The following SULT1B1 variants were observed in gnomAD, a reference collection of about 807,000 sequenced individuals.
SULT1B1 encodes the protein sulfotransferase 1B1.
A neutral mutation model predicts 34.6 loss-of-function variants in SULT1B1; 28 were observed. That is an observed-to-expected ratio of 0.81 (90% confidence interval 0.60 to 1.11). SULT1B1 has a LOEUF of 1.11. SULT1B1 is among the 50% of genes least tolerant of loss of function. The pLI, the probability that SULT1B1 is intolerant of heterozygous loss-of-function variation, is 0.00. For missense variants in SULT1B1, 374 were observed against 352.2 expected (o/e 1.06, Z -0.50); for synonymous variants, 147 against 110.2 (o/e 1.33, Z -2.09).
rs1560521487 is a variant in SULT1B1 at position 69,733,479 on chromosome 4, A to C, written c.531T>G (p.Val177=). 6.2e-7 allele frequency: 1 copy of C among 1,608,168 alleles called. No individual in the cohort carries two copies. Reference sequence around the variant, plus strand: ...CTTCCTTTTTCTTCCACCAGTTTTTAACATGAGTAAACCAGGAACCATAGG... The same window carrying C: ...CTTCCTTTTTCTTCCACCAGTTTTTCACATGAGTAAACCAGGAACCATAGG... ...KVAYGSWFTH[V]KNWWKKKEEH... Residue 177 remains valine, a synonymous_variant, in exon 6 of 8, where the codon GTT becomes GTG. Transcript: ENST00000310613.
chr4:69,734,338 C>A, intron 4 of SULT1B1, 74 bp from the exon 5 acceptor site: 2 of 1,493,900 alleles, frequency 1.3e-6, no homozygotes, highest in South Asian at 1.3e-5. Flanking sequence ...TTAACCTATA[C>A]GCATGTAAAA....
At chr4:69,745,136 C>T (rs1469582849) in intron 4 of SULT1B1, among the ~76,000 whole-genome samples, 3 of 152,026 alleles carry the variant, frequency 2.0e-5, no homozygotes, top group South Asian at 2.1e-4. Flanking sequence ...TTGAGAATTG[C>T]TTTATGGCTG....
chr4:69,746,494 T>C (rs902391812), intron 4 of SULT1B1, among the ~76,000 whole-genome samples: 3 of 152,228 alleles, frequency 2.0e-5, no homozygotes. Flanking sequence ...GTCTATTCTA[T>C]TATTAATGTT....
chr4:69,726,598 G>T lies in SULT1B1; in HGVS notation c.*490C>A, dbSNP rs1271352766. On this transcript the variant is annotated 3_prime_UTR_variant, in exon 8 of 8. Coordinates refer to ENST00000310613, the MANE Select transcript of SULT1B1 (RefSeq NM_014465.4). The stretch of plus-strand genomic sequence containing the variant: ...AAATAGAGGCACTGCAGGAAGATGA[G>T]CTATGACTCAGAGAACAACTTGAAA... 6.6e-6 allele frequency: 1 copy of T among 152,082 alleles called. No individual in the cohort carries two copies. Among genetic ancestry groups the T allele is most frequent in the African/African-American group, 2.4e-5 (1 of 41,406 alleles). The allele number at this position is 152,082 out of a possible 1,614,324, so 9.4% of individuals were successfully genotyped here. A position where few individuals can be genotyped will look rare whatever the true frequency, so the allele number is the denominator to read the frequency against.
At chr4:69,753,741 G>A (rs780746585) in intron 3 of SULT1B1, among the ~76,000 whole-genome samples, 5 of 152,250 alleles carry the variant, frequency 3.3e-5, no homozygotes, top group Non-Finnish European at 5.9e-5. Context: ...TTTAAGTTTG[G>A]CTTAAAGGTT....
At position 69,754,695 on chromosome 4, in the gene SULT1B1, C is replaced by A. The variant is rs1019162357; in HGVS notation, c.252G>T (p.Met84Ile). 2 of 1,612,960 alleles carry A rather than the reference C, an allele frequency of 1.2e-6. No homozygotes were observed. Among genetic ancestry groups the A allele is most frequent in the Non-Finnish European group, 1.7e-6 (2 of 1,179,464 alleles). The change falls in exon 3 of 8, where the codon ATG (methionine) becomes ATT (isoleucine). Residue 84 changes from methionine (M) to isoleucine (I), a missense_variant. Met to Ile is a conservative substitution (Grantham distance 10, BLOSUM62 1). Transcript: ENST00000310613. ...CTGATGTTCTTAATCCAGGGAGAGT[C>A]ATTTCCAACATTGGAACTTTTTCAG... ...FITEKVPMLE[M>I]TLPGLRTSGI...
chr4:69,723,543 G>C lies in SULT1B1; in HGVS notation c.*3545C>G, dbSNP rs1486366406. ...CATTTTATGAGGCCAGCATCATCCT[G>C]ATACCAAAGCCTGGCAGAGACACAA... is the stretch of plus-strand genomic sequence containing the variant. On this transcript the variant is annotated 3_prime_UTR_variant, in exon 8 of 8. Coordinates refer to ENST00000310613, the MANE Select transcript of SULT1B1 (RefSeq NM_014465.4). The C allele has an allele frequency of 6.6e-6, 1 of 152,206 alleles. No individual in the cohort carries two copies. Among genetic ancestry groups the C allele is most frequent in the Non-Finnish European group, 1.5e-5 (1 of 68,090 alleles). The allele number at this position is 152,206 out of a possible 1,614,324, so 9.4% of individuals were successfully genotyped here.
chr4:69,757,143 A>G (rs2110033539), intron 1 of SULT1B1, among the ~76,000 whole-genome samples: 1 of 152,280 alleles, frequency 6.6e-6, no homozygotes, highest in Non-Finnish European at 1.5e-5. Flanking sequence ...CTTGCTTTTA[A>G]TAATGTTTTT....
intron 4 of SULT1B1, among the ~76,000 whole-genome samples, chr4:69,735,127 C>T (rs1355380102): frequency 1.3e-5 from 2 of 152,030 alleles, no homozygotes; most frequent in East Asian, 1.9e-4. Context: ...CTTTTGTATT[C>T]TTAATGTCAC....
rs72648450 is a variant in SULT1B1 at position 69,753,082 on chromosome 4, C to T, written c.277+1588G>A. 5.4e-3 allele frequency among the ~76,000 whole-genome samples: 826 copies of T among 152,276 alleles called. 2 individuals carry two copies. Among genetic ancestry groups the T allele is most frequent in the Middle Eastern group, 0.02 (6 of 294 alleles). On this transcript the variant is annotated intron_variant, in intron 3 of 7. Transcript: ENST00000310613. ...AATGTCCAATTATGCTGAGCATTGC[C>T]TAATGAATATATTTTTACAAGCTCC...
Position 69,725,937 on chromosome 4 carries a change from G to A in SULT1B1, c.*1151C>T, listed in dbSNP as rs979309559. On this transcript the variant is annotated 3_prime_UTR_variant, in exon 8 of 8. Transcript: ENST00000310613. The stretch of plus-strand genomic sequence containing the variant: ...ACCTAATGTAAATGACGAGTTAATG[G>A]ATGCAGCACACCAACATGGCACATG... The A allele has an allele frequency of 6.7e-6, 1 of 149,284 alleles. No individual in the cohort carries two copies. The highest frequency in any genetic ancestry group is 2.1e-4 in the South Asian group (1 of 4,696). 9.2% of individuals were successfully genotyped at this position (149,284 alleles called of 1,614,324 possible). A position where few individuals can be genotyped will look rare whatever the true frequency, so the allele number is the denominator to read the frequency against.
intron 4 of SULT1B1, among the ~76,000 whole-genome samples, chr4:69,738,083 A>G (rs748339650): frequency 6.6e-5 from 10 of 152,152 alleles, no homozygotes; most frequent in African/African-American, 2.4e-4. Context: ...CTCAAGGTTT[A>G]CCTTCCATGC....
intron 1 of SULT1B1, among the ~76,000 whole-genome samples, chr4:69,759,346 T>G (rs1719310305): frequency 6.6e-6 from 1 of 152,216 alleles, no homozygotes; most frequent in South Asian, 2.1e-4. Context: ...TGTCCGTGAT[T>G]TATCTCATTC....
In SULT1B1 at chr4:69,750,482, C is replaced by CT. The variant is rs1002212010; in HGVS notation, c.278-665dup. Among the ~76,000 whole-genome samples, 35 of 152,214 alleles carry CT rather than the reference C, an allele frequency of 2.3e-4. 1 individual carries two copies. Among genetic ancestry groups the CT allele is most frequent in the Admixed American group, 2.1e-3 (32 of 15,296 alleles). On this transcript the variant is annotated intron_variant, in intron 3 of 7. Transcript: ENST00000310613. ...ATGATACATAAACTTCTTATGCATT[C>CT]TTTTATGTTCCACAGTATTACTTAT...
At chr4:69,729,853 A>G (rs1717997246) in intron 7 of SULT1B1, among the ~76,000 whole-genome samples, 1 of 152,138 alleles carries the variant, frequency 6.6e-6, no homozygotes, top group African/African-American at 2.4e-5. Context: ...AATTGGTTAA[A>G]TGTATTGTTA....
At chr4:69,736,000 C>G (rs1718296042) in intron 4 of SULT1B1, among the ~76,000 whole-genome samples, 1 of 152,160 alleles carries the variant, frequency 6.6e-6, no homozygotes, top group African/African-American at 2.4e-5. Context: ...TCCCCCAACC[C>G]TTAGTAGCAG....
At chr4:69,749,120 A>C (rs1342269373) in intron 4 of SULT1B1, among the ~76,000 whole-genome samples, 1 of 152,034 alleles carries the variant, frequency 6.6e-6, no homozygotes, top group Non-Finnish European at 1.5e-5. Context: ...AGGGACAAAA[A>C]AGAAGGAGAA....
chr4:69,748,208 T>A (rs189526838), intron 4 of SULT1B1, among the ~76,000 whole-genome samples: 30 of 152,114 alleles, frequency 2.0e-4, no homozygotes, highest in Admixed American at 1.8e-3. Flanking sequence ...AATGCAAACA[T>A]TAATCAGTAA....
At chr4:69,732,641 G>C (rs1560521045) in intron 6 of SULT1B1, among the ~76,000 whole-genome samples, 1 of 151,690 alleles carries the variant, frequency 6.6e-6, no homozygotes, top group East Asian at 1.9e-4. Context: ...CCTGTTGTGT[G>C]TATGTCTGTG....
Sources: allele counts gnomAD v4.1 joint callset (sites outside exome capture counted in the v4.1 genomes callset), GRCh38; gene constraint gnomAD v4.1.1; transcripts MANE v1.5; gene names NCBI Gene and HGNC (gene_info 2026-07-23, HGNC 2026-07-21).